Variants in VSIG10 observed in about 807,000 individuals in gnomAD.
The protein encoded by VSIG10 is V-set and immunoglobulin domain containing 10.
Under a neutral mutation model 58.7 loss-of-function variants are expected in VSIG10, and 48 were observed. The observed-to-expected ratio is 0.82, with a 90% CI of 0.65 to 1.04. VSIG10 has a LOEUF of 1.04. Among genes scored for constraint, VSIG10 ranks in the 50% least tolerant of loss-of-function variants. VSIG10 has a pLI of 0.00. For synonymous variants in VSIG10, 260 were observed against 267.1 expected, an observed-to-expected ratio of 0.97 and a Z score of 0.26; for missense variants, 628 against 670.0, an observed-to-expected ratio of 0.94 and a Z score of 0.69.
In VSIG10 at chr12:118,079,329, A is replaced by C; in HGVS notation, c.925+17T>G. On this transcript the variant is annotated intron_variant, in intron 4 of 8. Coordinates refer to ENST00000359236, the MANE Select transcript of VSIG10 (RefSeq NM_019086.6). ...GCAGGGAAACTCCAACCCCAAGACA[A>C]AGCAAAACAGACTCACTGATCTGCA... The C allele has an allele frequency of 6.2e-7, 1 of 1,611,296 alleles. No homozygotes were observed. Among genetic ancestry groups the C allele is most frequent in the South Asian group, 1.1e-5 (1 of 90,978 alleles).
intron 2 of VSIG10, among the ~76,000 whole-genome samples, chr12:118,094,118 G>C (rs1160234051): frequency 1.3e-5 from 2 of 151,960 alleles, no homozygotes; most frequent in Non-Finnish European, 2.9e-5. Context: ...TTTTTTTAGA[G>C]GCAGGGTCTC....
intron 2 of VSIG10, among the ~76,000 whole-genome samples, chr12:118,089,306 C>G (rs1202628467): frequency 6.6e-6 from 1 of 152,150 alleles, no homozygotes; most frequent in African/African-American, 2.4e-5. Context: ...CAAGACCTTG[C>G]CTTTATCTCC....
In VSIG10 at chr12:118,095,536, C is replaced by G; in HGVS notation, c.358G>C (p.Ala120Pro). 2.8e-5 allele frequency: 45 copies of G among 1,613,720 alleles called. No individual in the cohort carries two copies. The highest frequency in any genetic ancestry group is 3.8e-5 in the Non-Finnish European group (45 of 1,179,728). ...GGTCCCTGCCAGCCCCACTTACTGG[C>G]CACCTGCAGCCACACTTGGAACCAC... ...TQWFQVWLQV[A>P]SGPYQIEVHI... The change falls in exon 2 of 9, where the codon GCC becomes CCC. Residue 120 changes from alanine (A) to proline (P), a missense_variant. Physicochemically the swap from Ala to Pro is conservative, Grantham distance 27. Coordinates refer to ENST00000359236, the MANE Select transcript of VSIG10 (RefSeq NM_019086.6).
intron 2 of VSIG10, among the ~76,000 whole-genome samples, chr12:118,093,179 G>T (rs1460213117): frequency 2.0e-5 from 3 of 151,174 alleles, no homozygotes; most frequent in Non-Finnish European, 4.4e-5. Context: ...GGCGCCTGCA[G>T]TCCCAGCTAC....
At chr12:118,082,533 G>C (rs775889279) in intron 2 of VSIG10, 104 bp from the exon 3 acceptor site, 78 of 1,174,560 alleles carry the variant, frequency 6.6e-5, no homozygotes, top group Non-Finnish European at 9.0e-5. Context: ...CCAATGAAGA[G>C]TATGGTATCT....
intron 4 of VSIG10, among the ~76,000 whole-genome samples, chr12:118,078,937 TAAAAAAAAAAAAAAAAA>T (rs35469920): frequency 7.5e-5 from 3 of 39,912 alleles, no homozygotes; most frequent in African/African-American, 9.3e-5. Flanking sequence ...AGACTCTGCC[TAAAAAAAAAAAAAAAAA>T]AAAAAAAAAA....
intron 3 of VSIG10, among the ~76,000 whole-genome samples, chr12:118,081,790 G>A (rs1327123390): frequency 1.3e-5 from 2 of 152,206 alleles, no homozygotes; most frequent in East Asian, 3.9e-4. Context: ...GCCAAGGCGG[G>A]TGGATCACCT....
intron 7 of VSIG10, among the ~76,000 whole-genome samples, chr12:118,070,560 A>AG (rs1694640751): frequency 6.6e-6 from 1 of 151,722 alleles, no homozygotes; most frequent in African/African-American, 2.4e-5. Flanking sequence ...AAAAAAAAAA[A>AG]AAAAGAAAAA....
In VSIG10 at chr12:118,067,667, G is replaced by A. The variant is rs1303004758; in HGVS notation, c.1567+710C>T. 4.6e-5 allele frequency among the ~76,000 whole-genome samples: 7 copies of A among 151,950 alleles called. No homozygotes were observed. The East Asian group carries it at 1.4e-3, about 30-fold the overall frequency. ...GTAGAGATGGGGGTCTCACCATGTT[G>A]GCCAGGCTGGTCTCAAACTCCTGAC... On this transcript the variant is annotated intron_variant, in intron 8 of 8. Coordinates refer to ENST00000359236, the MANE Select transcript of VSIG10 (RefSeq NM_019086.6).
At chr12:118,075,347 AATTTCTTT>A (rs2032684653) in intron 4 of VSIG10, among the ~76,000 whole-genome samples, 1 of 151,582 alleles carries the variant, frequency 6.6e-6, no homozygotes, top group Non-Finnish European at 1.5e-5. Context: ...CAACTCCAGA[AATTTCTTT>A]TTTTCTTTTT....
At chr12:118,074,517 CG>C (rs1430429945) in intron 4 of VSIG10, among the ~76,000 whole-genome samples, 1 of 143,434 alleles carries the variant, frequency 7.0e-6, no homozygotes, top group African/African-American at 2.6e-5. Context: ...CTCACTTTGT[CG>C]CCCAGGCTGG....
At chr12:118,084,729 A>G (rs2033067164) in intron 2 of VSIG10, among the ~76,000 whole-genome samples, 1 of 152,124 alleles carries the variant, frequency 6.6e-6, no homozygotes, top group South Asian at 2.1e-4. Context: ...AAATACAAAA[A>G]TCAGCTGGGC....
intron 3 of VSIG10, among the ~76,000 whole-genome samples, chr12:118,081,391 T>C (rs1285295971): frequency 2.0e-5 from 3 of 152,018 alleles, no homozygotes; most frequent in East Asian, 2.0e-4. Flanking sequence ...CAGTGGCACA[T>C]CTTGGCTCAC....
chr12:118,074,666 ACGG>A (rs1228481748), intron 4 of VSIG10, among the ~76,000 whole-genome samples: 1 of 151,800 alleles, frequency 6.6e-6, no homozygotes, highest in African/African-American at 2.4e-5. Flanking sequence ...TTTAGTAGAG[ACGG>A]GGTTTCACCA....
chr12:118,088,746 C>T (rs895143023), intron 2 of VSIG10, among the ~76,000 whole-genome samples: 4 of 152,114 alleles, frequency 2.6e-5, no homozygotes, highest in South Asian at 2.1e-4. Context: ...CAACCCCAGA[C>T]GGCTCTGGTG....
chr12:118,079,763 C>G (rs927838313), intron 3 of VSIG10, among the ~76,000 whole-genome samples, 157 bp from the exon 4 acceptor site: 2 of 152,238 alleles, frequency 1.3e-5, no homozygotes, highest in African/African-American at 2.4e-5. Flanking sequence ...TGCCTGACAA[C>G]AGTCAGGCTT....
Position 118,091,814 on chromosome 12 carries a change from AT to A in VSIG10, c.361+3718del, listed in dbSNP as rs1448910494. Among the ~76,000 whole-genome samples, 14 of 151,580 alleles carry A rather than the reference AT, an allele frequency of 9.2e-5. No individual in the cohort carries two copies. In the Admixed American group the frequency reaches 9.2e-4, roughly 10 times the overall value. On this transcript the variant is annotated intron_variant, in intron 2 of 8. Coordinates refer to ENST00000359236, the MANE Select transcript of VSIG10 (RefSeq NM_019086.6). ...CTCTTGTTGCCCAGGCTGGAGTGCA[AT>A]GGCGCAATCTCAGCTCGCTGCAACC...
chr12:118,084,111 C>A (rs1294963813), intron 2 of VSIG10, among the ~76,000 whole-genome samples: 1 of 152,056 alleles, frequency 6.6e-6, no homozygotes, highest in Non-Finnish European at 1.5e-5. Flanking sequence ...CACAATGAGA[C>A]CCTCCCTATC....
rs1042925975 is a variant in VSIG10 at position 118,075,136 on chromosome 12, G to A, written c.926-1144C>T. ...TATATGTATATATATGTGTATATATGTATATATGTGTATATGTATATATAT... is the reference window on the plus strand; with the variant it reads ...TATATGTATATATATGTGTATATATATATATATGTGTATATGTATATATAT... On this transcript the variant is annotated intron_variant, in intron 4 of 8. Coordinates refer to ENST00000359236, the MANE Select transcript of VSIG10 (RefSeq NM_019086.6). Among the ~76,000 whole-genome samples, 42 of 137,032 alleles carry A rather than the reference G, an allele frequency of 3.1e-4. No individual in the cohort carries two copies. In the South Asian group the frequency reaches 3.2e-3, roughly 10 times the overall value. The allele number at this position is 137,032 out of a possible 152,430, so 89.9% of individuals were successfully genotyped here.
Sources: allele counts gnomAD v4.1 joint callset (sites outside exome capture counted in the v4.1 genomes callset), GRCh38; gene constraint gnomAD v4.1.1; transcripts MANE v1.5; gene names NCBI Gene and HGNC (gene_info 2026-07-23, HGNC 2026-07-21).